SLC25A26: variants seen among roughly 807,000 people sequenced by gnomAD.
SLC25A26 encodes the protein solute carrier family 25 member 26, also known as mitochondrial S-adenosylmethionine carrier protein.
A neutral mutation model predicts 37.8 loss-of-function variants in SLC25A26; 36 were observed. The observed-to-expected ratio is 0.95, with a 90% confidence interval of 0.73 to 1.26. SLC25A26 has a LOEUF of 1.26. SLC25A26 is among the 50% of genes most tolerant of loss of function. The pLI is 0.00. For missense variants in SLC25A26, 390 were observed against 331.1 expected (o/e 1.18, Z -1.38); for synonymous variants, 129 against 122.5 (o/e 1.05, Z -0.35).
intron 1 of SLC25A26, among the ~76,000 whole-genome samples, chr3:66,190,771 C>G (rs1312485820): frequency 1.3e-5 from 2 of 152,174 alleles, no homozygotes; most frequent in Non-Finnish European, 2.9e-5. Flanking sequence ...TTCTTTAATG[C>G]TAGTCTGTTC....
intron 5 of SLC25A26, among the ~76,000 whole-genome samples, chr3:66,268,850 C>T (rs1156535627): frequency 1.3e-5 from 2 of 152,154 alleles, no homozygotes; most frequent in Non-Finnish European, 2.9e-5. Flanking sequence ...TGCAGTTCCC[C>T]CTTTGTGCTC....
intron 1 of SLC25A26, among the ~76,000 whole-genome samples, chr3:66,141,052 C>G (rs1472351590): frequency 1.3e-5 from 1 of 74,496 alleles, no homozygotes; most frequent in Non-Finnish European, 2.5e-5. Context: ...AGAAACAGGA[C>G]ACACACACAC....
intron 5 of SLC25A26, among the ~76,000 whole-genome samples, chr3:66,294,160 T>C (rs913392976): frequency 4.6e-5 from 7 of 152,168 alleles, no homozygotes. Context: ...CTCATAAGCA[T>C]GGAGTGTTTT....
intron 1 of SLC25A26, among the ~76,000 whole-genome samples, chr3:66,137,605 G>T (rs1266441858): frequency 6.6e-6 from 1 of 152,082 alleles, no homozygotes; most frequent in Non-Finnish European, 1.5e-5. Flanking sequence ...TACCTAGTTG[G>T]TGGTATTTTG....
chr3:66,197,209 A>C (rs1291242089), intron 1 of SLC25A26, among the ~76,000 whole-genome samples: 1 of 152,098 alleles, frequency 6.6e-6, no homozygotes, highest in African/African-American at 2.4e-5. Flanking sequence ...ACCTAAACTC[A>C]GATATATATA....
intron 5 of SLC25A26, among the ~76,000 whole-genome samples, chr3:66,291,806 T>A (rs2074719875): frequency 6.6e-6 from 1 of 152,212 alleles, no homozygotes; most frequent in African/African-American, 2.4e-5. Context: ...TCTGTAGATG[T>A]CTATTAGGTC....
intron 1 of SLC25A26, among the ~76,000 whole-genome samples, chr3:66,145,193 A>G (rs2070097180): frequency 6.6e-6 from 1 of 152,230 alleles, no homozygotes; most frequent in African/African-American, 2.4e-5. Flanking sequence ...GGAGCAATGA[A>G]TATCATGTGA....
At chr3:66,224,981 T>C (rs547596326) in intron 1 of SLC25A26, among the ~76,000 whole-genome samples, 1 of 152,252 alleles carries the variant, frequency 6.6e-6, no homozygotes, top group South Asian at 2.1e-4. Flanking sequence ...TGGGTTCCCA[T>C]GGTGGCTTTG....
chr3:66,363,555 A>G (rs1016514148), intron 7 of SLC25A26, among the ~76,000 whole-genome samples: 23 of 152,214 alleles, frequency 1.5e-4, no homozygotes, highest in African/African-American at 5.3e-4. Context: ...CGAGAACTCA[A>G]ATGCTTTAAA....
intron 5 of SLC25A26, among the ~76,000 whole-genome samples, chr3:66,301,957 T>G (rs570622152): frequency 7.9e-5 from 12 of 152,306 alleles, no homozygotes; most frequent in African/African-American, 2.9e-4. Context: ...TTGGGAAAAT[T>G]ACATGTGTTC....
intron 6 of SLC25A26, among the ~76,000 whole-genome samples, chr3:66,362,373 AT>A (rs1270787553): frequency 6.6e-6 from 1 of 152,260 alleles, no homozygotes; most frequent in Non-Finnish European, 1.5e-5. Flanking sequence ...AACTGTTGAT[AT>A]CTGCATGACG....
intron 5 of SLC25A26, among the ~76,000 whole-genome samples, chr3:66,267,980 C>T (rs919401975): frequency 6.6e-6 from 1 of 152,142 alleles, no homozygotes; most frequent in African/African-American, 2.4e-5. Context: ...AGTGCCTTTC[C>T]CCCGAACACT....
At chr3:66,224,398 G>C (rs139416871) in intron 1 of SLC25A26, among the ~76,000 whole-genome samples, 1,807 of 152,316 alleles carry the variant, frequency 0.012, 39 homozygotes, top group African/African-American at 0.041. Flanking sequence ...AGACAAGAGA[G>C]CATGTGCTGC....
chr3:66,190,642 T>C (rs905760820), intron 1 of SLC25A26, among the ~76,000 whole-genome samples: 2 of 152,148 alleles, frequency 1.3e-5, no homozygotes, highest in Non-Finnish European at 2.9e-5. Flanking sequence ...TTGGCCAGGC[T>C]GGTCTCAAAC....
intron 1 of SLC25A26, among the ~76,000 whole-genome samples, chr3:66,136,972 G>T (rs1201726387): frequency 6.6e-6 from 1 of 152,038 alleles, no homozygotes; most frequent in Non-Finnish European, 1.5e-5. Flanking sequence ...TTACTTTATG[G>T]TTATCTCTTA....
chr3:66,347,971 G>T (rs1460514762), intron 6 of SLC25A26, among the ~76,000 whole-genome samples: 1 of 152,190 alleles, frequency 6.6e-6, no homozygotes, highest in Non-Finnish European at 1.5e-5. Flanking sequence ...ACTGGGGCCT[G>T]TTGTGGGGTG....
chr3:66,330,787 C>T (rs958616911), intron 5 of SLC25A26, among the ~76,000 whole-genome samples: 18 of 151,988 alleles, frequency 1.2e-4, no homozygotes, highest in Admixed American at 2.6e-4. Context: ...AGTAACACTT[C>T]CTCAAATATG....
At chr3:66,371,273 T>A (rs1700331202) in intron 9 of SLC25A26, 1 of 1,549,512 alleles carries the variant, frequency 6.5e-7, no homozygotes, top group Admixed American at 2.0e-5. Context: ...GGTCGGCAGC[T>A]GCCTGGACTT....
chr3:66,321,701 T>C (rs2075697953), intron 5 of SLC25A26, among the ~76,000 whole-genome samples: 3 of 151,976 alleles, frequency 2.0e-5, no homozygotes, highest in Admixed American at 2.0e-4. Flanking sequence ...TTTTCAAAAG[T>C]TTTCTTGGGG....
Sources: gnomAD v4.1 joint callset for allele counts (sites outside exome capture counted in the v4.1 genomes callset) on GRCh38, gnomAD v4.1.1 for gene constraint, MANE v1.5 for transcripts, NCBI Gene and HGNC (gene_info 2026-07-23, HGNC 2026-07-21) for gene names.